Variants in ZNF536 observed in about 807,000 individuals in gnomAD.
The protein encoded by ZNF536 is zinc finger protein 536.
In ZNF536, 13 loss-of-function variants were observed where a neutral mutation model predicts 84.5. That is an observed-to-expected ratio of 0.15 (90% CI 0.10 to 0.24). The LOEUF (loss-of-function observed/expected upper bound fraction) is 0.24. ZNF536 is among the 10% of genes least tolerant of loss of function. ZNF536 has a pLI of 1.00. For missense variants in ZNF536, 1,536 were observed against 1,747.5 expected (o/e 0.88, Z 2.16); for synonymous variants, 811 against 742.5 (o/e 1.09, Z -1.50).
intron 2 of ZNF536, among the ~76,000 whole-genome samples, chr19:30,468,838 G>A (rs188763513): frequency 6.6e-6 from 1 of 152,180 alleles, no homozygotes; most frequent in Non-Finnish European, 1.5e-5. Context: ...GGCATGGGGA[G>A]CTTTGGCTTT....
intron 2 of ZNF536, among the ~76,000 whole-genome samples, chr19:30,346,555 T>A (rs978314173): frequency 2.0e-5 from 3 of 152,210 alleles, no homozygotes; most frequent in Non-Finnish European, 4.4e-5. Context: ...TGTGTTCTCA[T>A]CATTTAGTTC....
At chr19:30,279,516 G>T (rs2045360341) in intron 1 of ZNF536, among the ~76,000 whole-genome samples, 1 of 152,208 alleles carries the variant, frequency 6.6e-6, no homozygotes, top group African/African-American at 2.4e-5. Flanking sequence ...ATCACTCAGT[G>T]CTTGGAGAAA....
chr19:30,256,843 T>C (rs2024942341), intron 1 of ZNF536, among the ~76,000 whole-genome samples: 1 of 152,180 alleles, frequency 6.6e-6, no homozygotes, highest in African/African-American at 2.4e-5. Context: ...TTATCAGTAT[T>C]GGTGCAACTG....
chr19:30,528,152 G>A (rs1203843008), intron 2 of ZNF536, among the ~76,000 whole-genome samples: 1 of 152,146 alleles, frequency 6.6e-6, no homozygotes. Flanking sequence ...TGTTCACAGA[G>A]TTAGTCACCT....
At chr19:30,251,361 G>A (rs1396026580) in intron 1 of ZNF536, among the ~76,000 whole-genome samples, 1 of 152,194 alleles carries the variant, frequency 6.6e-6, no homozygotes, top group African/African-American at 2.4e-5. Flanking sequence ...GATGGTTGGT[G>A]TGGGTGCAAA....
intron 2 of ZNF536, among the ~76,000 whole-genome samples, chr19:30,526,451 G>A (rs988273080): frequency 2.4e-5 from 3 of 125,324 alleles, no homozygotes; most frequent in East Asian, 1.9e-4. Flanking sequence ...GGGGCCGGGC[G>A]CGGTGGCTCA....
In ZNF536 at chr19:30,653,803, G is replaced by A. The variant is rs375218554; in HGVS notation, c.170-56954G>A. Among the ~76,000 whole-genome samples the A allele has an allele frequency of 1.2e-3, 190 of 152,294 alleles. 1 individual carries two copies. The highest frequency in any genetic ancestry group is 4.2e-3 in the African/African-American group (176 of 41,568). ...AGCCTGCCTTGCTCATAACACAAGAGTTTGCAGACAGGGAAGTTAGACCCC... is the reference window on the plus strand; with the variant it reads ...AGCCTGCCTTGCTCATAACACAAGAATTTGCAGACAGGGAAGTTAGACCCC... On this transcript the variant is annotated intron_variant, in intron 1 of 1. Transcript: ENST00000592773.
intron 1 of ZNF536, among the ~76,000 whole-genome samples, chr19:30,382,624 T>A (rs372096018): frequency 1.1e-4 from 16 of 152,062 alleles, no homozygotes; most frequent in Middle Eastern, 3.4e-3. Flanking sequence ...TATTTGCGTG[T>A]TTTTGGTCCC....
intron 2 of ZNF536, among the ~76,000 whole-genome samples, chr19:30,324,380 G>T (rs1412548040): frequency 1.3e-5 from 2 of 152,072 alleles, no homozygotes; most frequent in Non-Finnish European, 2.9e-5. Context: ...TGTCTTCCCT[G>T]GTATTCTTTC....
At chr19:30,267,536 C>T (rs1355413790) in intron 1 of ZNF536, among the ~76,000 whole-genome samples, 2 of 152,034 alleles carry the variant, frequency 1.3e-5, no homozygotes, top group African/African-American at 4.8e-5. Flanking sequence ...TGAGCTGCTA[C>T]CAACCCTGTC....
intron 1 of ZNF536, among the ~76,000 whole-genome samples, chr19:30,400,926 C>T (rs895501473): frequency 8.5e-5 from 13 of 152,196 alleles, no homozygotes; most frequent in African/African-American, 3.1e-4. Context: ...ATTTAAGAAC[C>T]ATTTGCCCAG....
chr19:30,616,587 T>G (rs964883592), intron 1 of ZNF536, among the ~76,000 whole-genome samples: 6 of 152,368 alleles, frequency 3.9e-5, no homozygotes, highest in Admixed American at 1.3e-4. Context: ...ATTTGTTATT[T>G]GCATTGCTGT....
intron 2 of ZNF536, among the ~76,000 whole-genome samples, chr19:30,297,563 C>G (rs1395500362): frequency 2.0e-5 from 3 of 152,144 alleles, no homozygotes; most frequent in Non-Finnish European, 4.4e-5. Context: ...CAAGGGTGGT[C>G]AGAACTCTAT....
chr19:30,236,700 G>T (rs2144762131), intron 1 of ZNF536, among the ~76,000 whole-genome samples: 1 of 152,286 alleles, frequency 6.6e-6, no homozygotes, highest in South Asian at 2.1e-4. Context: ...AGAAGACACA[G>T]TGGCTTTCTT....
chr19:30,558,252 C>T (rs1177450163), downstream of ZNF536, among the ~76,000 whole-genome samples: 2 of 152,138 alleles, frequency 1.3e-5, no homozygotes, highest in African/African-American at 4.8e-5. Flanking sequence ...AATTCATAAA[C>T]ATGCAAGTGG....
chr19:30,698,879 C>T (rs769352070), intron 1 of ZNF536, among the ~76,000 whole-genome samples: 1 of 152,182 alleles, frequency 6.6e-6, no homozygotes, highest in Non-Finnish European at 1.5e-5. Context: ...CAAGAAATAG[C>T]TACAAAATTA....
chr19:30,235,946 G>T (rs1230320308), intron 1 of ZNF536, among the ~76,000 whole-genome samples: 1 of 152,228 alleles, frequency 6.6e-6, no homozygotes, highest in Non-Finnish European at 1.5e-5. Context: ...AACATGGCTG[G>T]ATCTGTTCAT....
At chr19:30,264,098 T>C (rs2145326895) in intron 1 of ZNF536, among the ~76,000 whole-genome samples, 1 of 152,362 alleles carries the variant, frequency 6.6e-6, no homozygotes, top group Admixed American at 6.5e-5. Context: ...CTGTGTTGAC[T>C]TCTAATACAG....
chr19:30,277,079 A>G (rs928288303), intron 1 of ZNF536, among the ~76,000 whole-genome samples: 17 of 152,308 alleles, frequency 1.1e-4, no homozygotes, highest in African/African-American at 3.1e-4. Flanking sequence ...CTAATTACGT[A>G]TATACTCTGG....
Sources: allele counts gnomAD v4.1 joint callset (sites outside exome capture counted in the v4.1 genomes callset), GRCh38; gene constraint gnomAD v4.1.1; transcripts MANE v1.5; gene names NCBI Gene and HGNC (gene_info 2026-07-23, HGNC 2026-07-21).